The following SNW1 variants were observed in gnomAD, a reference collection of about 807,000 sequenced individuals.
The protein encoded by SNW1 is SNW domain containing 1.
A neutral mutation model predicts 75.6 loss-of-function variants in SNW1; 9 were observed. The ratio of observed to expected loss-of-function variants is 0.12; its 90% CI spans 0.07 to 0.21. The LOEUF (loss-of-function observed/expected upper bound fraction) is 0.21. SNW1 is among the 10% of genes least tolerant of loss of function. The pLI is 1.00. For synonymous variants in SNW1, 200 were observed against 219.1 expected (o/e 0.91, Z 0.77); for missense variants, 409 against 670.9 (o/e 0.61, Z 4.31).
chr14:77,735,901 G>C (rs1450639582), intron 7 of SNW1, 36 bp downstream of exon 7: 2 of 1,552,768 alleles, frequency 1.3e-6, no homozygotes, highest in Admixed American at 3.4e-5. Context: ...ATAACCATGA[G>C]TAGAAAAAAA....
In SNW1 at chr14:77,752,231, T is replaced by C. The variant is rs1033232271; in HGVS notation, c.169-751A>G. Among the ~76,000 whole-genome samples, 7 of 152,320 alleles carry C rather than the reference T, an allele frequency of 4.6e-5. No individual in the cohort carries two copies. In the East Asian group the frequency reaches 1.3e-3, roughly 29 times the overall value. On this transcript the variant is annotated intron_variant, in intron 2 of 13. Transcript: ENST00000261531. ...ATTTTATTAACATATTATTTATTCATTGTTATGTGAGAAGCAAATGAATAC... is the reference window on the plus strand; with the variant it reads ...ATTTTATTAACATATTATTTATTCACTGTTATGTGAGAAGCAAATGAATAC...
chr14:77,751,213 A>T, intron 3 of SNW1, 106 bp downstream of exon 3: 1 of 1,174,698 alleles, frequency 8.5e-7, no homozygotes, highest in Non-Finnish European at 1.2e-6. Flanking sequence ...ATGCCCAGCC[A>T]CTGCTACTTT....
chr14:77,720,615 G>T, intron 12 of SNW1, 96 bp downstream of exon 12: 1 of 855,016 alleles, frequency 1.2e-6, no homozygotes, highest in Non-Finnish European at 2.1e-6. Context: ...TCATCATGCT[G>T]GCATTTACAT....
At chr14:77,726,825 A>AC (rs921679684) in intron 10 of SNW1, among the ~76,000 whole-genome samples, 4 of 152,102 alleles carry the variant, frequency 2.6e-5, no homozygotes, top group African/African-American at 9.7e-5. Flanking sequence ...AAAAAAAAAA[A>AC]ACCTTTATTC....
At position 77,717,729 on chromosome 14, in the gene SNW1, C is replaced by G; in HGVS notation, c.*359G>C. On this transcript the variant is annotated 3_prime_UTR_variant, in exon 14 of 14. Transcript: ENST00000261531. ...CAGGACAGTTCCAGTATGTGAACAT[C>G]TTCCTCCTCACTGTGGTTGGGGTAA... The G allele has an allele frequency of 1.6e-6, 1 of 636,362 alleles. No homozygotes were observed. The highest frequency in any genetic ancestry group is 2.7e-6 in the Non-Finnish European group (1 of 367,300). 39.4% of individuals were successfully genotyped at this position (636,362 alleles called of 1,614,324 possible).
chr14:77,751,838 A>ACACACACACACAC (rs962881056), intron 2 of SNW1, among the ~76,000 whole-genome samples: 14 of 124,730 alleles, frequency 1.1e-4, no homozygotes, highest in Admixed American at 1.1e-3. Flanking sequence ...ACACACACAC[A>ACACACACACACAC]CACACACCAC....
At chr14:77,724,554 C>CT (rs2080569564) in intron 10 of SNW1, among the ~76,000 whole-genome samples, 1 of 152,240 alleles carries the variant, frequency 6.6e-6, no homozygotes, top group Non-Finnish European at 1.5e-5. Flanking sequence ...ATTCTACTCT[C>CT]TGCTTCCTTG....
chr14:77,720,621 T>G lies in SNW1; in HGVS notation c.1248+90A>C. 3 of 889,988 alleles carry G rather than the reference T, an allele frequency of 3.4e-6. No individual in the cohort carries two copies. In the East Asian group the frequency reaches 7.2e-5, roughly 21 times the overall value. The allele number at this position is 889,988 out of a possible 1,614,324, so 55.1% of individuals were successfully genotyped here. On this transcript the variant is annotated intron_variant, in intron 12 of 13. Coordinates refer to ENST00000261531, the MANE Select transcript of SNW1 (RefSeq NM_012245.3). ...ATTTTTTTGTCATCATGCTGGCATTTACATCCAAATGTAAAGTATGTTAAT... is the reference window on the plus strand; with the variant it reads ...ATTTTTTTGTCATCATGCTGGCATTGACATCCAAATGTAAAGTATGTTAAT...
intron 3 of SNW1, among the ~76,000 whole-genome samples, chr14:77,748,454 A>T (rs2080781701): frequency 6.6e-6 from 1 of 152,064 alleles, no homozygotes; most frequent in African/African-American, 2.4e-5. Flanking sequence ...TAGGAAAAAA[A>T]AATTTGGAAT....
At chr14:77,747,356 G>A (rs1413385146) in intron 3 of SNW1, among the ~76,000 whole-genome samples, 2 of 152,112 alleles carry the variant, frequency 1.3e-5, no homozygotes, top group Admixed American at 6.5e-5. Context: ...GGGAAGTGAG[G>A]AGCGTCTCTG....
At position 77,717,674 on chromosome 14, in the gene SNW1, CAG is replaced by C. The variant is rs1207587609; in HGVS notation, c.*412_*413del. Reference sequence around the variant, plus strand: ...TTACTTTGCCCACTCCAAATTAAAACAGAGCACAATAGGGGCAAAATTTATTT... The same window carrying C: ...TTACTTTGCCCACTCCAAATTAAAACAGCACAATAGGGGCAAAATTTATTT... On this transcript the variant is annotated 3_prime_UTR_variant, in exon 14 of 14. Transcript: ENST00000261531. 1.2e-5 allele frequency: 13 copies of C among 1,077,682 alleles called. No homozygotes were observed. The highest frequency in any genetic ancestry group is 2.5e-5 in the East Asian group (1 of 39,650). The allele number at this position is 1,077,682 out of a possible 1,614,324, so 66.8% of individuals were successfully genotyped here.
intron 10 of SNW1, among the ~76,000 whole-genome samples, chr14:77,728,869 C>G (rs956417017): frequency 1.3e-5 from 2 of 152,134 alleles, no homozygotes; most frequent in South Asian, 4.1e-4. Flanking sequence ...ATAAGAAGCA[C>G]CTGATAAATG....
At chr14:77,758,189 G>A (rs894221788) in intron 1 of SNW1, among the ~76,000 whole-genome samples, 15 of 151,938 alleles carry the variant, frequency 9.9e-5, no homozygotes, top group Admixed American at 5.2e-4. Flanking sequence ...AATTAGCCGG[G>A]CGTGGTGGCG....
chr14:77,728,656 A>G (rs1037166457), intron 10 of SNW1, among the ~76,000 whole-genome samples: 1 of 152,174 alleles, frequency 6.6e-6, no homozygotes, highest in Non-Finnish European at 1.5e-5. Flanking sequence ...GAGTACAGTT[A>G]AGAGCATAAG....
intron 3 of SNW1, among the ~76,000 whole-genome samples, chr14:77,747,250 G>A (rs1039055414): frequency 6.6e-6 from 1 of 152,212 alleles, no homozygotes. Context: ...GTGCAGTGGC[G>A]TGATCTCGGC....
chr14:77,720,166 C>A (rs1186507256), intron 12 of SNW1, among the ~76,000 whole-genome samples: 1 of 152,162 alleles, frequency 6.6e-6, no homozygotes, highest in Non-Finnish European at 1.5e-5. Flanking sequence ...GACACTGACT[C>A]TTTTATTTTT....
At position 77,718,251 on chromosome 14, in the gene SNW1, C is replaced by T. The variant is rs765182403; in HGVS notation, c.1448G>A (p.Arg483His). 1.1e-5 allele frequency: 17 copies of T among 1,613,260 alleles called. No homozygotes were observed. Among genetic ancestry groups the T allele is most frequent in the South Asian group, 3.3e-5 (3 of 91,032 alleles). ...TGGTCCTTCTCGGCCTCTCTGTCTACGGTCTGAACCAGAAAACTCCTTGTC... is the reference window on the plus strand; with the variant it reads ...TGGTCCTTCTCGGCCTCTCTGTCTATGGTCTGAACCAGAAAACTCCTTGTC... Reference protein sequence around the residue: ...VPDKEFSGSDRRQRGREGPVQ... With the variant: ...VPDKEFSGSDHRQRGREGPVQ... Residue 483 changes from arginine to histidine, a missense_variant, in exon 14 of 14, where the codon CGT becomes CAT. By Grantham distance (29) the Arg-to-His change is conservative (BLOSUM62 0). Coordinates refer to ENST00000261531, the MANE Select transcript of SNW1 (RefSeq NM_012245.3).
chr14:77,718,599 T>G (rs1475079388), intron 12 of SNW1, 69 bp from the exon 13 acceptor site: 1 of 1,044,844 alleles, frequency 9.6e-7, no homozygotes, highest in Non-Finnish European at 1.4e-6. Flanking sequence ...TCATAACATG[T>G]TTACAGTAAA....
At chr14:77,720,539 A>G (rs1351802786) in intron 12 of SNW1, 172 bp downstream of exon 12, 1 of 751,458 alleles carries the variant, frequency 1.3e-6, no homozygotes, top group Admixed American at 1.8e-5. Context: ...AGCCCACTAT[A>G]AGAAGTTAAA....
Sources: gnomAD v4.1 joint callset for allele counts (sites outside exome capture counted in the v4.1 genomes callset) on GRCh38, gnomAD v4.1.1 for gene constraint, MANE v1.5 for transcripts, NCBI Gene and HGNC (gene_info 2026-07-23, HGNC 2026-07-21) for gene names.